The following GRM7 variants were observed in gnomAD, a reference collection of about 807,000 sequenced individuals.
The protein encoded by GRM7 is metabotropic glutamate receptor 7.
A neutral mutation model predicts 84.5 loss-of-function variants in GRM7; 35 were observed. That is an observed-to-expected ratio of 0.41 (90% CI 0.32 to 0.55). GRM7 has a LOEUF of 0.55. Among genes scored for constraint, GRM7 ranks in the 20% least tolerant of loss-of-function variants. The pLI is 0.19. For synonymous variants in GRM7, 487 were observed against 455.1 expected (o/e 1.07, Z -0.89); for missense variants, 1,003 against 1,194.6 (o/e 0.84, Z 2.36).
chr3:7,204,402 A>G (rs1696165574), intron 2 of GRM7, among the ~76,000 whole-genome samples: 1 of 152,246 alleles, frequency 6.6e-6, no homozygotes, highest in Non-Finnish European at 1.5e-5. Context: ...GTCAGCTAAT[A>G]TTGGGTTACC....
intron 1 of GRM7, among the ~76,000 whole-genome samples, chr3:7,115,020 A>G (rs1392807702): frequency 6.6e-6 from 1 of 152,156 alleles, no homozygotes; most frequent in African/African-American, 2.4e-5. Flanking sequence ...GCTGTGTGCC[A>G]ATCACTGAAT....
chr3:7,293,684 A>C (rs577128831), intron 2 of GRM7, among the ~76,000 whole-genome samples: 1 of 152,326 alleles, frequency 6.6e-6, no homozygotes, highest in East Asian at 1.9e-4. Flanking sequence ...TTACTGAGAA[A>C]TAAACTAACT....
At chr3:7,298,649 A>G in intron 2 of GRM7, 35 bp from the exon 3 acceptor site, 2 of 1,589,936 alleles carry the variant, frequency 1.3e-6, no homozygotes, top group South Asian at 2.2e-5. Context: ...CTCTGTGGAA[A>G]CATTATTGAC....
intron 7 of GRM7, among the ~76,000 whole-genome samples, chr3:7,547,132 C>G (rs1693191061): frequency 6.6e-6 from 1 of 151,306 alleles, no homozygotes; most frequent in South Asian, 2.1e-4. Context: ...CGTCCTATGC[C>G]AGATCCATGA....
intron 2 of GRM7, among the ~76,000 whole-genome samples, chr3:7,268,972 G>C (rs1196166264): frequency 6.6e-6 from 1 of 152,152 alleles, no homozygotes; most frequent in Non-Finnish European, 1.5e-5. Context: ...AGCGTAGTCA[G>C]TAGACCCTCC....
At chr3:7,459,370 G>A (rs1484035893) in intron 6 of GRM7, among the ~76,000 whole-genome samples, 2 of 152,110 alleles carry the variant, frequency 1.3e-5, no homozygotes, top group African/African-American at 4.8e-5. Context: ...GGAGGAAGGA[G>A]CCAGTGTGCC....
At chr3:7,114,796 A>C (rs1006367395) in intron 1 of GRM7, among the ~76,000 whole-genome samples, 20 of 152,040 alleles carry the variant, frequency 1.3e-4, no homozygotes, top group Non-Finnish European at 2.9e-4. Context: ...ACAGGTTTGG[A>C]CCAAGTTTTT....
At chr3:6,891,791 T>C (rs1695960968) in intron 1 of GRM7, among the ~76,000 whole-genome samples, 1 of 152,226 alleles carries the variant, frequency 6.6e-6, no homozygotes, top group Non-Finnish European at 1.5e-5. Flanking sequence ...CCTTGCTAGA[T>C]TGGGGAAGTT....
At chr3:7,467,519 C>T (rs17047394) in intron 7 of GRM7, among the ~76,000 whole-genome samples, 1,655 of 152,274 alleles carry the variant, frequency 0.011, 26 homozygotes, top group African/African-American at 0.038. Flanking sequence ...TCTCCCTAAT[C>T]AAGACATCAC....
intron 1 of GRM7, among the ~76,000 whole-genome samples, chr3:7,039,553 G>T (rs1321206687): frequency 2.0e-5 from 3 of 152,136 alleles, no homozygotes; most frequent in African/African-American, 7.2e-5. Context: ...TTGTGAATAT[G>T]ACAGTGTATC....
intron 2 of GRM7, among the ~76,000 whole-genome samples, chr3:7,147,646 G>A (rs781042709): frequency 2.0e-5 from 3 of 152,096 alleles, no homozygotes; most frequent in Non-Finnish European, 2.9e-5. Flanking sequence ...GAAATAAAGC[G>A]CTTCCGGATA....
chr3:7,526,433 A>G (rs1296217865), intron 7 of GRM7, among the ~76,000 whole-genome samples: 1 of 151,940 alleles, frequency 6.6e-6, no homozygotes, highest in African/African-American at 2.4e-5. Flanking sequence ...ATATTAGTCC[A>G]TTGTTGAATG....
chr3:6,960,839 C>G (rs1693270512), intron 1 of GRM7, among the ~76,000 whole-genome samples: 1 of 152,132 alleles, frequency 6.6e-6, no homozygotes. Flanking sequence ...ATGTCATTCT[C>G]TTTCTCTCTT....
rs1047468339 is a variant in GRM7, at chr3:7,486,099, T to C, written c.1515+24377T>C. Reference sequence around the variant, plus strand: ...TTCTTCAAAGAGTCAAAGGATGAGATAAAATATGGATTTTAAATACTGCTT... The same window carrying C: ...TTCTTCAAAGAGTCAAAGGATGAGACAAAATATGGATTTTAAATACTGCTT... On this transcript the variant is annotated intron_variant, in intron 7 of 9. Coordinates refer to ENST00000357716, the MANE Select transcript of GRM7 (RefSeq NM_000844.4). The surrounding 1 kb of genome is among the most constrained non-coding windows in gnomAD (Gnocchi z 5.5). 3.9e-5 allele frequency among the ~76,000 whole-genome samples: 6 copies of C among 152,210 alleles called. No homozygotes were observed. Among genetic ancestry groups the C allele is most frequent in the Non-Finnish European group, 8.8e-5 (6 of 68,028 alleles).
At chr3:6,929,459 C>G (rs1384834136) in intron 1 of GRM7, among the ~76,000 whole-genome samples, 1 of 152,080 alleles carries the variant, frequency 6.6e-6, no homozygotes, top group Admixed American at 6.6e-5. Context: ...AAGGTGGTAC[C>G]GTGTTCATGA....
At chr3:7,418,657 A>G (rs914093614) in intron 5 of GRM7, among the ~76,000 whole-genome samples, 1 of 152,146 alleles carries the variant, frequency 6.6e-6, no homozygotes, top group Admixed American at 6.6e-5. Context: ...AGTTTAGAGT[A>G]TGACCTCTTT....
At chr3:7,602,129 A>G (rs937493929) in intron 8 of GRM7, among the ~76,000 whole-genome samples, 2 of 150,094 alleles carry the variant, frequency 1.3e-5, no homozygotes, top group African/African-American at 4.9e-5. Flanking sequence ...ACAAACACTT[A>G]TCTTTGGAAA....
rs189656828 is a variant in GRM7 at position 7,449,532 on chromosome 3, G to A, written c.1175-3075G>A. Among the ~76,000 whole-genome samples the A allele has an allele frequency of 1.6e-3, 238 of 152,192 alleles. 2 individuals carry two copies. Among genetic ancestry groups the A allele is most frequent in the African/African-American group, 5.6e-3 (231 of 41,540 alleles). On this transcript the variant is annotated intron_variant, in intron 5 of 9. Transcript: ENST00000357716. ...AAAATCTTTAAAAATCAACAAATCT[G>A]GCACAGAGGGGCTTGCTCTGTCAGT...
intron 1 of GRM7, among the ~76,000 whole-genome samples, chr3:6,957,144 T>A (rs1000042438): frequency 9.8e-5 from 15 of 152,334 alleles, no homozygotes; most frequent in African/African-American, 3.6e-4. Context: ...GACCCTGGTG[T>A]CGTTTTGGGA....
Sources: gnomAD v4.1 joint callset for allele counts (sites outside exome capture counted in the v4.1 genomes callset) on GRCh38, gnomAD v4.1.1 for gene constraint, Gnocchi (gnomAD v3.1) non-coding constraint, MANE v1.5 for transcripts, NCBI Gene and HGNC (gene_info 2026-07-23, HGNC 2026-07-21) for gene names.